Variants in SGCZ observed in about 807,000 individuals in gnomAD.
SGCZ encodes the protein zeta-sarcoglycan.
A neutral mutation model predicts 41.3 loss-of-function variants in SGCZ; 40 were observed. The observed-to-expected ratio is 0.97, with a 90% CI of 0.75 to 1.26. SGCZ has a LOEUF of 1.26. Among genes scored for constraint, SGCZ ranks in the 50% most tolerant of loss-of-function variants. The pLI, the probability that SGCZ is intolerant of heterozygous loss-of-function variation, is 0.00. For missense variants in SGCZ, 552 were observed against 369.8 expected (o/e 1.49, Z -4.04); for synonymous variants, 206 against 137.5 (o/e 1.50, Z -3.49).
intron 1 of SGCZ, among the ~76,000 whole-genome samples, chr8:15,045,104 T>C (rs1374400608): frequency 6.6e-6 from 1 of 151,654 alleles, no homozygotes; most frequent in Non-Finnish European, 1.5e-5. Context: ...TATTTATTTA[T>C]ATGGTTAATA....
rs1056101308 is a variant in SGCZ, at chr8:14,500,273, TTTG to T, written c.234+54456_234+54458del. ...GTTTGAGCACGTGGAGTACCCTGCT[TTTG>T]TTGTTGTTGTTACAATCTCAGTTCT... is the stretch of plus-strand genomic sequence containing the variant. On this transcript the variant is annotated intron_variant, in intron 2 of 7. Coordinates refer to ENST00000382080, the MANE Select transcript of SGCZ (RefSeq NM_139167.4). 1.9e-4 allele frequency among the ~76,000 whole-genome samples: 29 copies of T among 152,132 alleles called. No homozygotes were observed. The South Asian group carries it at 3.5e-3, about 18-fold the overall frequency.
At chr8:15,003,093 T>C (rs1021521913) in intron 1 of SGCZ, among the ~76,000 whole-genome samples, 5 of 152,084 alleles carry the variant, frequency 3.3e-5, no homozygotes, top group Admixed American at 3.3e-4. Flanking sequence ...CAAAATTTAA[T>C]ATTAAAAGAG....
chr8:14,924,755 CA>C (rs1166528231), intron 1 of SGCZ, among the ~76,000 whole-genome samples: 1 of 150,520 alleles, frequency 6.6e-6, no homozygotes, highest in Non-Finnish European at 1.5e-5. Flanking sequence ...CTAAAAAACA[CA>C]AAATGTTAAA....
chr8:15,204,364 T>G (rs1800993726), intron 1 of SGCZ, among the ~76,000 whole-genome samples: 2 of 152,184 alleles, frequency 1.3e-5, no homozygotes, highest in South Asian at 4.1e-4. Flanking sequence ...AGACATGAAT[T>G]AAAGGTACTT....
intron 1 of SGCZ, among the ~76,000 whole-genome samples, chr8:14,885,614 A>G (rs914268233): frequency 5.9e-5 from 9 of 152,138 alleles, no homozygotes; most frequent in African/African-American, 2.2e-4. Context: ...CTCTTAACTG[A>G]CATCTTAAAG....
chr8:14,478,225 G>C (rs1801417642), intron 2 of SGCZ, among the ~76,000 whole-genome samples: 1 of 152,178 alleles, frequency 6.6e-6, no homozygotes, highest in South Asian at 2.1e-4. Flanking sequence ...ACAGGTCCTC[G>C]CTAAAACCAG....
At chr8:14,344,648 G>A (rs1356145562) in intron 2 of SGCZ, among the ~76,000 whole-genome samples, 2 of 152,048 alleles carry the variant, frequency 1.3e-5, no homozygotes, top group Non-Finnish European at 2.9e-5. Flanking sequence ...GCAATCTGAT[G>A]GTGACATGAA....
intron 1 of SGCZ, among the ~76,000 whole-genome samples, chr8:14,695,030 T>C (rs747688112): frequency 1.3e-5 from 2 of 152,186 alleles, no homozygotes; most frequent in Non-Finnish European, 2.9e-5. Context: ...AGCAGAGACT[T>C]GCAATGCCTT....
intron 4 of SGCZ, among the ~76,000 whole-genome samples, chr8:14,220,592 C>A (rs1806158369): frequency 6.6e-6 from 1 of 151,668 alleles, no homozygotes; most frequent in Non-Finnish European, 1.5e-5. Context: ...CCAGCCTGAC[C>A]AACATGTTGA....
chr8:14,131,542 C>A (rs1316975931), intron 5 of SGCZ, among the ~76,000 whole-genome samples: 6 of 152,136 alleles, frequency 3.9e-5, no homozygotes, highest in African/African-American at 1.4e-4. Flanking sequence ...TTCCTTCTCT[C>A]TTGCTGCTTT....
At position 15,020,378 on chromosome 8, in the gene SGCZ, G is replaced by A. The variant is rs762512946; in HGVS notation, c.39+217207C>T. Among the ~76,000 whole-genome samples the A allele has an allele frequency of 6.6e-5, 10 of 152,204 alleles. 1 individual carries two copies. Among genetic ancestry groups the A allele is most frequent in the Admixed American group, 2.6e-4 (4 of 15,290 alleles). ...TATGAAACAATACAGGAACAGGCTCGTGCAGCTGAATCTCCCACACTGCCT... is the reference window on the plus strand; with the variant it reads ...TATGAAACAATACAGGAACAGGCTCATGCAGCTGAATCTCCCACACTGCCT... On this transcript the variant is annotated intron_variant, in intron 1 of 7. Coordinates refer to ENST00000382080, the MANE Select transcript of SGCZ (RefSeq NM_139167.4).
chr8:14,119,809 A>G (rs1802642552), intron 5 of SGCZ, among the ~76,000 whole-genome samples: 1 of 152,106 alleles, frequency 6.6e-6, no homozygotes, highest in South Asian at 2.1e-4. Flanking sequence ...TTCTGAATCT[A>G]TTTAGATAAT....
intron 1 of SGCZ, among the ~76,000 whole-genome samples, chr8:15,007,983 A>G (rs1351243972): frequency 6.6e-6 from 1 of 152,184 alleles, no homozygotes; most frequent in East Asian, 1.9e-4. Flanking sequence ...TATTAATTTT[A>G]TACTCTCAAG....
intron 3 of SGCZ, among the ~76,000 whole-genome samples, chr8:14,314,187 A>G (rs963949905): frequency 7.2e-5 from 11 of 152,096 alleles, no homozygotes; most frequent in Non-Finnish European, 1.5e-4. Context: ...TTTTAAGTCC[A>G]AAGAATGTCG....
intron 1 of SGCZ, among the ~76,000 whole-genome samples, chr8:14,652,805 G>A (rs1563180769): frequency 6.6e-6 from 1 of 152,068 alleles, no homozygotes; most frequent in Non-Finnish European, 1.5e-5. Flanking sequence ...AAATATAGAT[G>A]AGGTGTCTAG....
chr8:14,593,876 T>C (rs988545779), intron 1 of SGCZ, among the ~76,000 whole-genome samples: 1 of 152,056 alleles, frequency 6.6e-6, no homozygotes, highest in Non-Finnish European at 1.5e-5. Flanking sequence ...GGGAACTTTT[T>C]AATATACAAA....
chr8:14,374,944 G>A (rs975311488), intron 2 of SGCZ, among the ~76,000 whole-genome samples: 7 of 152,148 alleles, frequency 4.6e-5, no homozygotes, highest in African/African-American at 1.7e-4. Flanking sequence ...AATCAATAAA[G>A]GGGATGATTG....
intron 1 of SGCZ, among the ~76,000 whole-genome samples, chr8:15,190,270 G>A (rs482244): frequency 0.14 from 21,179 of 152,022 alleles, 1,622 homozygotes; most frequent in African/African-American, 0.19. Context: ...CATCATCTGC[G>A]TAGAACAACC....
intron 1 of SGCZ, among the ~76,000 whole-genome samples, chr8:15,104,839 T>A (rs1174355370): frequency 6.6e-6 from 1 of 152,204 alleles, no homozygotes; most frequent in South Asian, 2.1e-4. Flanking sequence ...CATTTTTGCT[T>A]TTACAAATAA....
Sources: gnomAD v4.1 joint callset for allele counts (sites outside exome capture counted in the v4.1 genomes callset) on GRCh38, gnomAD v4.1.1 for gene constraint, MANE v1.5 for transcripts, NCBI Gene and HGNC (gene_info 2026-07-23, HGNC 2026-07-21) for gene names.